The following L3MBTL1 variants were observed in gnomAD, a reference collection of about 807,000 sequenced individuals.
L3MBTL1 encodes lethal(3)malignant brain tumor-like protein 1.
A neutral mutation model predicts 105.3 loss-of-function variants in L3MBTL1; 75 were observed. That is an observed-to-expected ratio of 0.71 (90% CI 0.59 to 0.86). The LOEUF (loss-of-function observed/expected upper bound fraction) is 0.86. Among genes scored for constraint, L3MBTL1 ranks in the 40% least tolerant of loss-of-function variants. The pLI, the probability that L3MBTL1 is intolerant of heterozygous loss-of-function variation, is 0.00. For missense variants in L3MBTL1, 1,069 were observed against 1,126.4 expected, an observed-to-expected ratio of 0.95 and a Z score of 0.73; for synonymous variants, 452 against 436.2, an observed-to-expected ratio of 1.04 and a Z score of -0.45.
At position 43,514,755 on chromosome 20, in the gene L3MBTL1, G is replaced by A. The variant is rs193121965; in HGVS notation, c.481G>A (p.Glu161Lys). ...TGGCGGGGCCCCGGCGGGAGATGGC[G>A]AGGCGGGCCCCCAACAGGCGGGTAG... The part of the protein sequence containing the change: ...EDGGAPAGDG[E>K]AGPQQAEDHP... Residue 161 changes from glutamate (E) to lysine (K), a missense_variant, in exon 4 of 22, where the codon GAG (glutamate) becomes AAG (lysine). Coordinates refer to ENST00000418998, the MANE Select transcript of L3MBTL1 (RefSeq NM_001377303.1). The A allele has an allele frequency of 9.8e-5, 153 of 1,559,126 alleles. 2 individuals are homozygous for A. In the Admixed American group the frequency reaches 2.9e-3, roughly 29 times the overall value.
intron 7 of L3MBTL1, among the ~76,000 whole-genome samples, chr20:43,518,165 T>C (rs2018502809): frequency 6.6e-6 from 1 of 152,122 alleles, no homozygotes; most frequent in Non-Finnish European, 1.5e-5. Flanking sequence ...TTTTTTTTTT[T>C]TCGTTTTCCA....
intron 10 of L3MBTL1, 26 bp from the exon 11 acceptor site, chr20:43,530,772 C>T (rs747151487): frequency 6.2e-7 from 1 of 1,608,954 alleles, no homozygotes. Flanking sequence ...GCACGGCGCT[C>T]TGTTCATGCC....
rs76363655 is a variant in L3MBTL1 at position 43,540,949 on chromosome 20, G to A, written c.2410G>A (p.Val804Met). The A allele has an allele frequency of 7.1e-4, 1,141 of 1,614,150 alleles. 7 individuals are homozygous for A. The African/African-American group carries it at 0.013, about 19-fold the overall frequency. Reference sequence around the variant, plus strand: ...GCCCCACCAGGCAAGAATAGTCAGAGTGACCCATGTATCTGGGAAGACTCT... The same window carrying A: ...GCCCCACCAGGCAAGAATAGTCAGAATGACCCATGTATCTGGGAAGACTCT... ...LFKDEARIVRVTHVSGKTLVW... is the reference protein window; with the variant it reads ...LFKDEARIVRMTHVSGKTLVW... The change falls in exon 22 of 22, where the codon GTG becomes ATG. Residue 804 changes from valine to methionine, a missense_variant. By Grantham distance (21) the Val-to-Met change is conservative (BLOSUM62 1). Coordinates refer to ENST00000418998, the MANE Select transcript of L3MBTL1 (RefSeq NM_001377303.1).
intron 1 of L3MBTL1, among the ~76,000 whole-genome samples, chr20:43,508,984 A>G (rs1466860527): frequency 2.0e-5 from 3 of 152,170 alleles, no homozygotes; most frequent in Non-Finnish European, 4.4e-5. Context: ...GAGCAGTTCC[A>G]AGAGAGGCTG....
At chr20:43,521,395 G>C (rs1038424486) in intron 7 of L3MBTL1, among the ~76,000 whole-genome samples, 2 of 152,188 alleles carry the variant, frequency 1.3e-5, no homozygotes, top group African/African-American at 4.8e-5. Flanking sequence ...GCTTCCCGAA[G>C]GAATAAGAAA....
intron 11 of L3MBTL1, chr20:43,532,540 GAC>G: frequency 4.3e-6 from 2 of 470,138 alleles, no homozygotes; most frequent in South Asian, 4.1e-5. Context: ...CTTACCTTCT[GAC>G]ACAAGCCAGG....
rs185699630 is a variant in L3MBTL1, at chr20:43,515,283, C to T, written c.654-9C>T. 6.2e-7 allele frequency: 1 copy of T among 1,609,076 alleles called. No individual in the cohort carries two copies. Among genetic ancestry groups the T allele is most frequent in the East Asian group, 2.2e-5 (1 of 44,688 alleles). On this transcript the variant is annotated splice_polypyrimidine_tract_variant and intron_variant, in intron 5 of 21. Coordinates refer to ENST00000418998, the MANE Select transcript of L3MBTL1 (RefSeq NM_001377303.1). ...GGTGGTTCTTTCCCTAAGGCTGGCC[C>T]TTCCTCAGGTCAGTCATAGTGGAGA...
At chr20:43,520,274 A>G (rs570456936) in intron 7 of L3MBTL1, among the ~76,000 whole-genome samples, 2 of 152,330 alleles carry the variant, frequency 1.3e-5, no homozygotes, top group South Asian at 4.1e-4. Context: ...TTGTATGGGC[A>G]TACCACACTT....
chr20:43,514,991 C>T lies in L3MBTL1; in HGVS notation c.503-18C>T. ...CTGCGATGGGGAGGGAGGCCTGAGGCCCATTTGGCCCCCGCAGAGGACCAC... is the reference window on the plus strand; with the variant it reads ...CTGCGATGGGGAGGGAGGCCTGAGGTCCATTTGGCCCCCGCAGAGGACCAC... On this transcript the variant is annotated intron_variant, in intron 4 of 21. Transcript: ENST00000418998. The T allele has an allele frequency of 1.9e-6, 3 of 1,610,638 alleles. No individual in the cohort carries two copies. The highest frequency in any genetic ancestry group is 2.2e-5 in the South Asian group (2 of 90,788).
intron 1 of L3MBTL1, among the ~76,000 whole-genome samples, chr20:43,511,430 A>G (rs2018131800): frequency 6.6e-6 from 1 of 152,216 alleles, no homozygotes; most frequent in African/African-American, 2.4e-5. Flanking sequence ...AAAGAAATAT[A>G]TAATAGTAAT....
intron 7 of L3MBTL1, among the ~76,000 whole-genome samples, chr20:43,520,515 A>G (rs926500673): frequency 9.2e-5 from 14 of 152,192 alleles, no homozygotes. Context: ...CATTCCCACC[A>G]GCAGTATATG....
chr20:43,533,806 A>T (rs1290500005), intron 13 of L3MBTL1, among the ~76,000 whole-genome samples: 1 of 152,080 alleles, frequency 6.6e-6, no homozygotes, highest in Non-Finnish European at 1.5e-5. Flanking sequence ...CAGCCCTGTG[A>T]ACTATTAGGG....
chr20:43,534,642 C>A, intron 15 of L3MBTL1, 186 bp from the exon 16 acceptor site: 1 of 608,662 alleles, frequency 1.6e-6, no homozygotes, highest in Non-Finnish European at 2.9e-6. Flanking sequence ...GTGGGAGATG[C>A]CAGTAACTTA....
chr20:43,524,795 C>T (rs1035687020), intron 7 of L3MBTL1, among the ~76,000 whole-genome samples: 1 of 152,016 alleles, frequency 6.6e-6, no homozygotes, highest in African/African-American at 2.4e-5. Flanking sequence ...TGCAAAGGCA[C>T]AGAGGCTCAG....
At chr20:43,513,357 G>A in intron 1 of L3MBTL1, 119 bp from the exon 2 acceptor site, 1 of 1,001,902 alleles carries the variant, frequency 1.0e-6, no homozygotes, top group Non-Finnish European at 1.4e-6. Context: ...GCCTTTCTCT[G>A]CAGGTCACGG....
In L3MBTL1 at chr20:43,530,484, T is replaced by G; in HGVS notation, c.1192+65T>G. 4.5e-6 allele frequency: 7 copies of G among 1,541,046 alleles called. No individual in the cohort carries two copies. In the South Asian group the frequency reaches 8.4e-5, roughly 18 times the overall value. ...CCTCAGACCCTTCGCTTCTTCCCCT[T>G]GGGTCCCCGGCTTCCAGCTCTTTTG... On this transcript the variant is annotated intron_variant, in intron 10 of 21. Transcript: ENST00000418998.
At chr20:43,540,728 C>T (rs1461107116) in intron 20 of L3MBTL1, 25 bp from the exon 21 acceptor site, 1 of 1,613,106 alleles carries the variant, frequency 6.2e-7, no homozygotes, top group East Asian at 2.2e-5. Context: ...GTCCCCTGGT[C>T]AACATGTCAT....
chr20:43,522,354 CA>C (rs1158999088), intron 7 of L3MBTL1, among the ~76,000 whole-genome samples: 15 of 146,712 alleles, frequency 1.0e-4, no homozygotes, highest in East Asian at 4.2e-4. Context: ...AACTCCGTCT[CA>C]AAAAAATGAT....
At chr20:43,538,025 C>T (rs576046445) in intron 19 of L3MBTL1, among the ~76,000 whole-genome samples, 2 of 152,304 alleles carry the variant, frequency 1.3e-5, no homozygotes, top group South Asian at 4.1e-4. Flanking sequence ...CTTAGCACAG[C>T]TCCCTGCCAG....
Sources: allele counts gnomAD v4.1 joint callset (sites outside exome capture counted in the v4.1 genomes callset), GRCh38; gene constraint gnomAD v4.1.1; transcripts MANE v1.5; gene names NCBI Gene and HGNC (gene_info 2026-07-23, HGNC 2026-07-21).